Variants in LRBA observed in about 807,000 individuals in gnomAD.
LRBA encodes the protein lipopolysaccharide-responsive and beige-like anchor protein.
Under a neutral mutation model 330.0 loss-of-function variants are expected in LRBA, and 176 were observed. The observed-to-expected ratio is 0.53, with a 90% CI of 0.47 to 0.60. The LOEUF is 0.60. Ranked by LOEUF, LRBA falls within the 20% of genes least tolerant of loss-of-function variation. The probability of loss-of-function intolerance (pLI) is 0.00; values close to 1 mark genes in which losing one functional copy is unlikely to be tolerated. For synonymous variants in LRBA, 1,230 were observed against 1,193.0 expected (o/e 1.03, Z -0.64); for missense variants, 3,259 against 3,444.8 (o/e 0.95, Z 1.35).
intron 37 of LRBA, among the ~76,000 whole-genome samples, chr4:150,625,981 A>G (rs1581849850): frequency 6.6e-6 from 1 of 151,544 alleles, no homozygotes; most frequent in Non-Finnish European, 1.5e-5. Flanking sequence ...TGTGAGCCAC[A>G]GTCCTTGGCC....
chr4:150,289,333 T>C (rs1371445833), intron 53 of LRBA, among the ~76,000 whole-genome samples: 1 of 152,214 alleles, frequency 6.6e-6, no homozygotes, highest in Non-Finnish European at 1.5e-5. Context: ...ATTTCTTCTT[T>C]TCCTAGGGCC....
chr4:150,324,087 C>T (rs536111184), intron 49 of LRBA, among the ~76,000 whole-genome samples: 45 of 152,282 alleles, frequency 3.0e-4, no homozygotes, highest in Non-Finnish European at 6.0e-4. Flanking sequence ...GAAAAGACGG[C>T]CTCCCATCCT....
chr4:150,598,156 C>T (rs1194878916), intron 38 of LRBA, among the ~76,000 whole-genome samples: 1 of 151,980 alleles, frequency 6.6e-6, no homozygotes, highest in Admixed American at 6.6e-5. Context: ...TAAAACAATA[C>T]CCTGAAAAAG....
chr4:150,817,811 T>C (rs1744829213), intron 30 of LRBA, among the ~76,000 whole-genome samples: 1 of 152,084 alleles, frequency 6.6e-6, no homozygotes, highest in African/African-American at 2.4e-5. Context: ...TCTTGTATAT[T>C]ATTCAAACAC....
At chr4:150,992,567 G>T (rs1376484405) in intron 2 of LRBA, among the ~76,000 whole-genome samples, 1 of 152,200 alleles carries the variant, frequency 6.6e-6, no homozygotes, top group African/African-American at 2.4e-5. Context: ...GACTGGCAGA[G>T]AACAAGAACA....
intron 40 of LRBA, among the ~76,000 whole-genome samples, chr4:150,563,562 C>T (rs921953987): frequency 1.3e-5 from 2 of 152,030 alleles, no homozygotes; most frequent in Non-Finnish European, 2.9e-5. Flanking sequence ...AGAAATAAAG[C>T]GTATTCGAAT....
chr4:150,966,309 T>C (rs894227825), intron 2 of LRBA, among the ~76,000 whole-genome samples: 3 of 151,646 alleles, frequency 2.0e-5, no homozygotes, highest in Non-Finnish European at 4.4e-5. Flanking sequence ...TGCTAGTTCA[T>C]TCTTTTTTTT....
chr4:150,398,555 TATTA>T (rs562330435), intron 47 of LRBA, among the ~76,000 whole-genome samples: 67 of 152,290 alleles, frequency 4.4e-4, no homozygotes, highest in Middle Eastern at 3.4e-3. Flanking sequence ...TAGAGGAAAC[TATTA>T]ATTAAGAGGC....
chr4:150,573,957 AT>A (rs1457410836), intron 40 of LRBA, among the ~76,000 whole-genome samples: 1 of 152,056 alleles, frequency 6.6e-6, no homozygotes. Context: ...CCAATAATTT[AT>A]TTTTTTAAGT....
chr4:150,442,719 G>A (rs1479169892), intron 44 of LRBA, among the ~76,000 whole-genome samples: 1 of 152,108 alleles, frequency 6.6e-6, no homozygotes, highest in African/African-American at 2.4e-5. Flanking sequence ...AATACAAGAT[G>A]GCTGAACTCA....
chr4:150,997,214 T>A (rs1742754731), intron 2 of LRBA, among the ~76,000 whole-genome samples: 1 of 152,208 alleles, frequency 6.6e-6, no homozygotes, highest in Admixed American at 6.5e-5. Context: ...TTGTGCAATA[T>A]GTTATGCTAA....
chr4:150,568,736 T>C (rs1265905826), intron 40 of LRBA, among the ~76,000 whole-genome samples: 1 of 152,156 alleles, frequency 6.6e-6, no homozygotes, highest in African/African-American at 2.4e-5. Flanking sequence ...AGATATATAT[T>C]CATATCAAAA....
chr4:150,372,564 A>AC (rs1740519552), intron 47 of LRBA, among the ~76,000 whole-genome samples: 1 of 147,332 alleles, frequency 6.8e-6, no homozygotes, highest in Admixed American at 6.8e-5. Context: ...CATCTCCAAA[A>AC]AAAAAAAAAA....
chr4:150,674,605 G>A (rs1344156131), intron 37 of LRBA, among the ~76,000 whole-genome samples: 1 of 152,210 alleles, frequency 6.6e-6, no homozygotes, highest in Non-Finnish European at 1.5e-5. Context: ...GTTGGGTGAA[G>A]TGGCTCATGC....
chr4:150,954,032 G>C (rs1350583434), intron 2 of LRBA, among the ~76,000 whole-genome samples: 3 of 145,188 alleles, frequency 2.1e-5, no homozygotes, highest in Non-Finnish European at 3.0e-5. Context: ...GAAGTGAGGA[G>C]CCTCTCCGCC....
chr4:150,963,339 C>CT (rs1377452310), intron 2 of LRBA, among the ~76,000 whole-genome samples: 7 of 149,566 alleles, frequency 4.7e-5, no homozygotes, highest in South Asian at 2.1e-4. Flanking sequence ...GCATGCGCCA[C>CT]CACACCTGAC....
intron 22 of LRBA, among the ~76,000 whole-genome samples, chr4:150,864,002 G>T (rs997789228): frequency 2.0e-5 from 3 of 151,590 alleles, no homozygotes; most frequent in Non-Finnish European, 4.4e-5. Flanking sequence ...GCAGTGGTAC[G>T]ATCTCGGCTC....
intron 34 of LRBA, among the ~76,000 whole-genome samples, chr4:150,785,792 G>A (rs1347087854): frequency 6.6e-6 from 1 of 152,168 alleles, no homozygotes; most frequent in Admixed American, 6.5e-5. Context: ...CAGGAGGTAC[G>A]TTGAAAGTAA....
intron 27 of LRBA, among the ~76,000 whole-genome samples, 197 bp downstream of exon 27, chr4:150,844,460 GA>G (rs1749557097): frequency 6.6e-6 from 1 of 151,804 alleles, no homozygotes. Context: ...TAAACACTGG[GA>G]AAAGCAGAGA....
Sources: gnomAD v4.1 joint callset for allele counts (sites outside exome capture counted in the v4.1 genomes callset) on GRCh38, gnomAD v4.1.1 for gene constraint, MANE v1.5 for transcripts, NCBI Gene and HGNC (gene_info 2026-07-23, HGNC 2026-07-21) for gene names.